KCNMA1: variants seen among roughly 807,000 people sequenced by gnomAD.
KCNMA1 encodes Calcium-activated potassium channel subunit alpha-1.
A neutral mutation model predicts 140.0 loss-of-function variants in KCNMA1; 29 were observed. The ratio of observed to expected loss-of-function variants is 0.21; its 90% CI spans 0.15 to 0.28. The LOEUF is 0.28. Among genes scored for constraint, KCNMA1 ranks in the 10% least tolerant of loss-of-function variants. KCNMA1 has a pLI of 1.00. For missense variants in KCNMA1, 880 were observed against 1,602.2 expected (o/e 0.55, Z 7.70); for synonymous variants, 612 against 611.9 (o/e 1.00, Z 0.00).
At chr10:77,561,699 A>G (rs1409532549) in intron 1 of KCNMA1, among the ~76,000 whole-genome samples, 2 of 152,208 alleles carry the variant, frequency 1.3e-5, no homozygotes, top group Non-Finnish European at 2.9e-5. Context: ...ACCATTGGCT[A>G]GGCTGGAGAC....
intron 2 of KCNMA1, among the ~76,000 whole-genome samples, chr10:77,334,937 T>C (rs1025541639): frequency 2.7e-4 from 41 of 152,318 alleles, no homozygotes; most frequent in African/African-American, 9.1e-4. Context: ...TTTTGGAACA[T>C]GTATGACACA....
chr10:77,126,494 T>C (rs2097735322), intron 5 of KCNMA1, among the ~76,000 whole-genome samples: 1 of 152,168 alleles, frequency 6.6e-6, no homozygotes, highest in African/African-American at 2.4e-5. Context: ...AATAAAATAC[T>C]AGGGTATCAT....
intron 2 of KCNMA1, among the ~76,000 whole-genome samples, chr10:77,388,879 C>T (rs1321369963): frequency 6.6e-6 from 1 of 152,132 alleles, no homozygotes; most frequent in Non-Finnish European, 1.5e-5. Context: ...AACAACTGAG[C>T]CCCCAACACA....
intron 12 of KCNMA1, among the ~76,000 whole-genome samples, chr10:77,080,612 C>T (rs1010351712): frequency 2.6e-5 from 4 of 152,124 alleles, no homozygotes; most frequent in Admixed American, 1.3e-4. Context: ...AATTTGAGGG[C>T]CCCTTGGAAT....
intron 25 of KCNMA1, among the ~76,000 whole-genome samples, chr10:76,898,476 T>C (rs893345051): frequency 1.3e-5 from 2 of 151,770 alleles, no homozygotes; most frequent in Non-Finnish European, 3.0e-5. Flanking sequence ...ATCAGGTTGA[T>C]TTAGTGTATT....
At chr10:77,198,972 A>G (rs978274417) in intron 3 of KCNMA1, among the ~76,000 whole-genome samples, 1 of 152,178 alleles carries the variant, frequency 6.6e-6, no homozygotes, top group East Asian at 1.9e-4. Flanking sequence ...GTGAATGAGC[A>G]GTGCACTGCC....
At chr10:77,581,048 T>G (rs1326583418) in intron 1 of KCNMA1, among the ~76,000 whole-genome samples, 1 of 152,192 alleles carries the variant, frequency 6.6e-6, no homozygotes, top group African/African-American at 2.4e-5. Flanking sequence ...TGCTCTGCTA[T>G]CACCATCATA....
chr10:77,167,755 C>G lies in KCNMA1; in HGVS notation c.808+15666G>C, dbSNP rs527690552. 1.6e-4 allele frequency among the ~76,000 whole-genome samples: 25 copies of G among 151,682 alleles called. No homozygotes were observed. The East Asian group carries it at 4.5e-3, about 27-fold the overall frequency. On this transcript the variant is annotated intron_variant, in intron 5 of 27. Coordinates refer to ENST00000286628, the MANE Select transcript of KCNMA1 (RefSeq NM_001161352.2). ...CCAGGCTGGAGTGCAATGGCATGAT[C>G]TTGTCTCACTGCAGCCTCGACTTCC...
At chr10:77,529,124 A>C (rs2056852382) in intron 1 of KCNMA1, among the ~76,000 whole-genome samples, 1 of 152,166 alleles carries the variant, frequency 6.6e-6, no homozygotes, top group Non-Finnish European at 1.5e-5. Context: ...AGGGCACAGC[A>C]CTCAGACTCT....
intron 23 of KCNMA1, among the ~76,000 whole-genome samples, chr10:76,926,480 A>G (rs945098065): frequency 6.6e-6 from 1 of 152,182 alleles, no homozygotes; most frequent in African/African-American, 2.4e-5. Context: ...ACTATTATTT[A>G]TCAACAACAG....
At position 77,556,502 on chromosome 10, in the gene KCNMA1, C is replaced by CAAAA. The variant is rs11446237; in HGVS notation, c.378+80759_378+80762dup. Among the ~76,000 whole-genome samples the CAAAA allele has an allele frequency of 6.8e-3, 469 of 68,826 alleles. 21 individuals are homozygous for CAAAA. Among genetic ancestry groups the CAAAA allele is most frequent in the East Asian group, 0.051 (97 of 1,902 alleles). The allele number at this position is 68,826 out of a possible 152,430, so 45.2% of individuals were successfully genotyped here. A position where few individuals can be genotyped will look rare whatever the true frequency, so the allele number is the denominator to read the frequency against. On this transcript the variant is annotated intron_variant, in intron 1 of 27. Coordinates refer to ENST00000286628, the MANE Select transcript of KCNMA1 (RefSeq NM_001161352.2). ...CCTGGACAACAGAGTGGGACTATCT[C>CAAAA]AAAAAAAAAAAAAAAAAAAAAAAAG...
intron 3 of KCNMA1, among the ~76,000 whole-genome samples, chr10:77,211,391 T>C (rs570520859): frequency 1.2e-4 from 19 of 152,284 alleles, no homozygotes; most frequent in African/African-American, 4.1e-4. Context: ...TGGGTATAAC[T>C]GGCTAACCAT....
intron 14 of KCNMA1, chr10:77,064,171 T>C (rs2095853684): frequency 1.0e-6 from 1 of 953,252 alleles, no homozygotes; most frequent in Non-Finnish European, 1.2e-6. Context: ...AAATATTAGA[T>C]GAAAATATAA....
At chr10:77,445,110 G>GT (rs559526458) in intron 1 of KCNMA1, among the ~76,000 whole-genome samples, 227 of 152,158 alleles carry the variant, frequency 1.5e-3, no homozygotes, top group Non-Finnish European at 2.2e-3. Context: ...ACCCAGCAGC[G>GT]TTTAGAGATG....
At chr10:77,334,522 T>C (rs2087996522) in intron 2 of KCNMA1, among the ~76,000 whole-genome samples, 1 of 152,188 alleles carries the variant, frequency 6.6e-6, no homozygotes, top group South Asian at 2.1e-4. Flanking sequence ...CAATCATCAC[T>C]ACCATCACTG....
intron 2 of KCNMA1, among the ~76,000 whole-genome samples, chr10:77,382,959 CGTGTGT>C (rs57049025): frequency 1.6e-3 from 124 of 76,976 alleles, no homozygotes; most frequent in African/African-American, 4.7e-3. Flanking sequence ...CATATATATA[CGTGTGT>C]GTGTGTGTGT....
At chr10:77,361,666 A>G (rs948926646) in intron 2 of KCNMA1, among the ~76,000 whole-genome samples, 5 of 152,222 alleles carry the variant, frequency 3.3e-5, no homozygotes, top group Non-Finnish European at 5.9e-5. Context: ...CAGGAGCAAG[A>G]GGGGATCCAT....
chr10:77,064,044 A>G, intron 14 of KCNMA1: 12 of 985,370 alleles, frequency 1.2e-5, no homozygotes, highest in Non-Finnish European at 1.3e-5. Context: ...CTCGCTGGGC[A>G]CCGGACTCTG....
At chr10:77,462,250 C>T (rs1478285292) in intron 1 of KCNMA1, among the ~76,000 whole-genome samples, 1 of 151,932 alleles carries the variant, frequency 6.6e-6, no homozygotes, top group Non-Finnish European at 1.5e-5. Context: ...CACAAATATA[C>T]ACATGTATAC....
Sources: gnomAD v4.1 joint callset for allele counts (sites outside exome capture counted in the v4.1 genomes callset) on GRCh38, gnomAD v4.1.1 for gene constraint, MANE v1.5 for transcripts, NCBI Gene and HGNC (gene_info 2026-07-23, HGNC 2026-07-21) for gene names.